EMX1: variants seen among roughly 807,000 people sequenced by gnomAD.
EMX1 encodes the protein empty spiracles homeobox 1, also known as homeobox protein EMX1.
A neutral mutation model predicts 20.1 loss-of-function variants in EMX1; 10 were observed. The ratio of observed to expected loss-of-function variants is 0.50; its 90% confidence interval spans 0.31 to 0.84. The LOEUF (loss-of-function observed/expected upper bound fraction) is 0.84. Ranked by LOEUF, EMX1 falls within the 40% of genes least tolerant of loss-of-function variation. The probability of loss-of-function intolerance (pLI) is 0.05; values close to 1 mark genes in which losing one functional copy is unlikely to be tolerated. For missense variants in EMX1, 424 were observed against 431.9 expected (o/e 0.98, Z 0.16); for synonymous variants, 250 against 200.4 (o/e 1.25, Z -2.09).
chr2:72,918,065 G>T lies in EMX1; in HGVS notation c.213G>T (p.Ala71=), dbSNP rs1671019560. Residue 71 remains alanine, a synonymous_variant, in exon 1 of 3, where the codon GCG becomes GCT. Transcript: ENST00000258106. Reference sequence around the variant, plus strand: ...GCGCGGGCTCCCATCTCCTGGCGGCGGCCGCCTCCGAGGAACCGCTCCGGC... The same window carrying T: ...GCGCGGGCTCCCATCTCCTGGCGGCTGCCGCCTCCGAGGAACCGCTCCGGC... ...GGGAGSHLLA[A]AASEEPLRPT... 1.4e-6 allele frequency: 2 copies of T among 1,415,956 alleles called. No homozygotes were observed. Among genetic ancestry groups the T allele is most frequent in the East Asian group, 6.1e-5 (2 of 32,764 alleles). 87.7% of individuals were successfully genotyped at this position (1,415,956 alleles called of 1,614,324 possible).
At chr2:72,926,160 T>A in intron 2 of EMX1, 1 of 985,402 alleles carries the variant, frequency 1.0e-6, no homozygotes, top group Non-Finnish European at 1.2e-6. Flanking sequence ...ACCCACAGAT[T>A]AACACTTGTT....
chr2:72,927,617 T>C (rs1671226254), intron 2 of EMX1, among the ~76,000 whole-genome samples: 1 of 152,242 alleles, frequency 6.6e-6, no homozygotes, highest in Non-Finnish European at 1.5e-5. Flanking sequence ...ATTCCTGGGT[T>C]TCACCCAGGA....
Position 72,918,171 on chromosome 2 carries a change from G to A in EMX1, c.319G>A (p.Ala107Thr), listed in dbSNP as rs745319970. 6.6e-6 allele frequency: 10 copies of A among 1,514,310 alleles called. No homozygotes were observed. Among genetic ancestry groups the A allele is most frequent in the South Asian group, 3.7e-5 (3 of 80,312 alleles). 93.8% of individuals were successfully genotyped at this position (1,514,310 alleles called of 1,614,324 possible). The change falls in exon 1 of 3, where the codon GCG becomes ACG. Residue 107 changes from alanine (A) to threonine (T), a missense_variant. Ala to Thr is a moderately conservative substitution (Grantham distance 58). Transcript: ENST00000258106. ...SGFPAAAAAG[A>T]GRSLYGGPEL... Reference sequence around the variant, plus strand: ...CTTCCCTGCCGCGGCCGCCGCGGGCGCGGGCCGCTCGCTCTACGGTGGGCC... The same window carrying A: ...CTTCCCTGCCGCGGCCGCCGCGGGCACGGGCCGCTCGCTCTACGGTGGGCC...
rs1271257747 is a variant in EMX1 at position 72,930,578 on chromosome 2, G to A, written c.706-3209G>A. On this transcript the variant is annotated intron_variant, in intron 2 of 2. Coordinates refer to ENST00000258106, the MANE Select transcript of EMX1 (RefSeq NM_004097.3). This position sits in a 1 kb window ranked among gnomAD's most constrained non-coding sequence, Gnocchi z 4.4. ...CCAGCTAACATTCCAACTGTACCTC[G>A]GGGCTTAGAGAGAGGTGAGTAGTGT... Among the ~76,000 whole-genome samples the A allele has an allele frequency of 6.6e-6, 1 of 152,168 alleles. No homozygotes were observed. The highest frequency in any genetic ancestry group is 1.9e-4 in the East Asian group (1 of 5,196).
chr2:72,929,975 A>G (rs772868018), intron 2 of EMX1, among the ~76,000 whole-genome samples: 3 of 152,114 alleles, frequency 2.0e-5, no homozygotes, highest in Non-Finnish European at 4.4e-5. Context: ...GGCCAATCCA[A>G]TTTACCATGT....
At chr2:72,916,218 C>T (rs1364938879), upstream of EMX1, 1 of 162,394 alleles carries the variant, frequency 6.2e-6, no homozygotes, top group Non-Finnish European at 1.3e-5. Flanking sequence ...GCTCCCGGCG[C>T]TCAGGCGGGC....
chr2:72,930,274 A>C lies in EMX1; in HGVS notation c.706-3513A>C, dbSNP rs1311574115. 6.6e-6 allele frequency among the ~76,000 whole-genome samples: 1 copy of C among 152,178 alleles called. No homozygotes were observed. The highest frequency in any genetic ancestry group is 1.5e-5 in the Non-Finnish European group (1 of 68,032). The stretch of plus-strand genomic sequence containing the variant: ...TCTGGTGAGGAGGCAGACGTAAATA[A>C]ATAAATTAGTGCACAGTGGGGGTCA... On this transcript the variant is annotated intron_variant, in intron 2 of 2. Coordinates refer to ENST00000258106, the MANE Select transcript of EMX1 (RefSeq NM_004097.3). This position sits in a 1 kb window ranked among gnomAD's most constrained non-coding sequence, Gnocchi z 4.4.
chr2:72,924,187 G>C (rs1671151611), intron 1 of EMX1, 122 bp from the exon 2 acceptor site: 2 of 1,237,812 alleles, frequency 1.6e-6, no homozygotes, highest in African/African-American at 3.0e-5. Context: ...GCGTGTCAAG[G>C]AATGGAGAGG....
chr2:72,934,231 A>C lies in EMX1; in HGVS notation c.*277A>C. On this transcript the variant is annotated 3_prime_UTR_variant, in exon 3 of 3. Transcript: ENST00000258106. ...CTCCCAGCTGCTCTCCGTGTCTCCA[A>C]TCTCCCTTTTGTTTTGATGCATTTC... 1 of 456,260 alleles carries C rather than the reference A, an allele frequency of 2.2e-6. No homozygotes were observed. The highest frequency in any genetic ancestry group is 3.7e-5 in the East Asian group (1 of 27,360). 28.3% of individuals were successfully genotyped at this position (456,260 alleles called of 1,614,324 possible). A position where few individuals can be genotyped will look rare whatever the true frequency, so the allele number is the denominator to read the frequency against.
chr2:72,934,077 C>T lies in EMX1; in HGVS notation c.*123C>T. ...CTTTGGGGAGGCCTGGAGTCATGGC[C>T]CCACAGGGCTTGAAGCCCGGGGCCG... On this transcript the variant is annotated 3_prime_UTR_variant, in exon 3 of 3. Transcript: ENST00000258106. The T allele has an allele frequency of 1.5e-6, 2 of 1,355,324 alleles. No individual in the cohort carries two copies. The highest frequency in any genetic ancestry group is 1.5e-5 in the South Asian group (1 of 67,938). 84.0% of individuals were successfully genotyped at this position (1,355,324 alleles called of 1,614,324 possible).
At chr2:72,933,743 G>C in intron 2 of EMX1, 44 bp from the exon 3 acceptor site, 1 of 1,606,504 alleles carries the variant, frequency 6.2e-7, no homozygotes, top group Non-Finnish European at 8.5e-7. Context: ...CTGCTCTGGG[G>C]GCCTCCTGAG....
chr2:72,917,169 T>A, upstream of EMX1: 1 of 610,522 alleles, frequency 1.6e-6, no homozygotes, highest in Non-Finnish European at 3.0e-6. Flanking sequence ...CCAAGTTCTC[T>A]GAGAACTGAA....
chr2:72,918,139 T>C lies in EMX1; in HGVS notation c.287T>C (p.Val96Ala). The change falls in exon 1 of 3, where the codon GTG (valine) becomes GCG (alanine). Residue 96 changes from valine (V) to alanine (A), a missense_variant. Physicochemically the swap from Val to Ala is moderately conservative, Grantham distance 64. Coordinates refer to ENST00000258106, the MANE Select transcript of EMX1 (RefSeq NM_004097.3). The stretch of plus-strand genomic sequence containing the variant: ...CCCAGCGCGGCCGAGGCGGCCTTCG[T>C]GAGTGGCTTCCCTGCCGCGGCCGCC... Reference protein sequence around the residue: ...PHPSAAEAAFVSGFPAAAAAG... With the variant: ...PHPSAAEAAFASGFPAAAAAG... 6.7e-7 allele frequency: 1 copy of C among 1,496,414 alleles called. No homozygotes were observed. The highest frequency in any genetic ancestry group is 1.5e-5 in the African/African-American group (1 of 68,136). The allele number at this position is 1,496,414 out of a possible 1,614,324, so 92.7% of individuals were successfully genotyped here. A position where few individuals can be genotyped will look rare whatever the true frequency, so the allele number is the denominator to read the frequency against.
At position 72,921,641 on chromosome 2, in the gene EMX1, C is replaced by T. The variant is rs537954598; in HGVS notation, c.521-2668C>T. Among the ~76,000 whole-genome samples, 3 of 152,334 alleles carry T rather than the reference C, an allele frequency of 2.0e-5. No individual in the cohort carries two copies. The East Asian group carries it at 5.8e-4, about 29-fold the overall frequency. ...CTTTTGGAATCAAATAACCTGTCATCACTTAGCATCTTGACTCATCCTGCA... is the reference window on the plus strand; with the variant it reads ...CTTTTGGAATCAAATAACCTGTCATTACTTAGCATCTTGACTCATCCTGCA... On this transcript the variant is annotated intron_variant, in intron 1 of 2. Coordinates refer to ENST00000258106, the MANE Select transcript of EMX1 (RefSeq NM_004097.3).
chr2:72,928,818 TAG>T (rs1052254716), intron 2 of EMX1, among the ~76,000 whole-genome samples: 2 of 152,026 alleles, frequency 1.3e-5, no homozygotes, highest in African/African-American at 4.8e-5. Flanking sequence ...GGTGTCAGGA[TAG>T]AAACGCTTGA....
chr2:72,925,857 C>T (rs1671192435), intron 2 of EMX1: 17 of 985,398 alleles, frequency 1.7e-5, no homozygotes, highest in African/African-American at 5.2e-5. Context: ...GCTCACGGGT[C>T]GGAGGCAGGA....
Position 72,917,996 on chromosome 2 carries a change from G to C in EMX1, c.144G>C (p.Leu48Phe), listed in dbSNP as rs749648981. The C allele has an allele frequency of 6.8e-7, 1 of 1,466,590 alleles. No individual in the cohort carries two copies. The highest frequency in any genetic ancestry group is 2.5e-5 in the Admixed American group (1 of 39,750). 90.8% of individuals were successfully genotyped at this position (1,466,590 alleles called of 1,614,324 possible). ...AGCGCGGCTTTACCATAGAGTCCTT[G>C]GTGGCCAAGGACGGCGGCACCGGCG... ...AAKRGFTIES[L>F]VAKDGGTGGG... is the part of the protein sequence containing the mutation. The change falls in exon 1 of 3, where the codon TTG (leucine) becomes TTC (phenylalanine). Residue 48 changes from leucine (L) to phenylalanine (F), a missense_variant. This residue lies in a region of EMX1 where 333 missense variants were observed against 296.6 expected (regional missense o/e 1.12). Coordinates refer to ENST00000258106, the MANE Select transcript of EMX1 (RefSeq NM_004097.3).
At chr2:72,928,868 G>T (rs1671243495) in intron 2 of EMX1, among the ~76,000 whole-genome samples, 1 of 152,172 alleles carries the variant, frequency 6.6e-6, no homozygotes, top group African/African-American at 2.4e-5. Context: ...TGGAAGACTT[G>T]GGGGGATGCC....
chr2:72,929,611 C>T (rs1012942034), intron 2 of EMX1, among the ~76,000 whole-genome samples: 2 of 152,150 alleles, frequency 1.3e-5, no homozygotes, highest in African/African-American at 2.4e-5. Context: ...AGACAGGACA[C>T]GTATTCACCT....
Sources: gnomAD v4.1 joint callset for allele counts (sites outside exome capture counted in the v4.1 genomes callset) on GRCh38, gnomAD v4.1.1 for gene constraint, gnomAD v4.1.1 regional missense constraint, Gnocchi (gnomAD v3.1) non-coding constraint, MANE v1.5 for transcripts, NCBI Gene and HGNC (gene_info 2026-07-23, HGNC 2026-07-21) for gene names.